The following CASR variants were observed in gnomAD, a reference collection of about 807,000 sequenced individuals.
The protein encoded by CASR is calcium sensing receptor, also known as extracellular calcium-sensing receptor.
Under a neutral mutation model 69.1 loss-of-function variants are expected in CASR, and 23 were observed. The ratio of observed to expected loss-of-function variants is 0.33; its 90% CI spans 0.24 to 0.47. The LOEUF is 0.47. Among genes scored for constraint, CASR ranks in the 20% least tolerant of loss-of-function variants. The probability of loss-of-function intolerance (pLI) is 1.00; values close to 1 mark genes in which losing one functional copy is unlikely to be tolerated. For synonymous variants in CASR, 541 were observed against 544.7 expected (o/e 0.99, Z 0.10); for missense variants, 924 against 1,356.1 (o/e 0.68, Z 5.00).
At chr3:122,222,051 G>C (rs1053193635) in intron 1 of CASR, among the ~76,000 whole-genome samples, 1 of 152,160 alleles carries the variant, frequency 6.6e-6, no homozygotes, top group Non-Finnish European at 1.5e-5. Flanking sequence ...GAGAGAACTG[G>C]CTGACAGCTT....
At chr3:122,232,027 C>CATCA (rs1268084802) in intron 1 of CASR, among the ~76,000 whole-genome samples, 1 of 152,144 alleles carries the variant, frequency 6.6e-6, no homozygotes, top group Non-Finnish European at 1.5e-5. Context: ...GGGATGGGAT[C>CATCA]ATCAGATTCA....
chr3:122,215,935 G>T (rs1322691550), intron 1 of CASR, among the ~76,000 whole-genome samples: 3 of 152,178 alleles, frequency 2.0e-5, no homozygotes, highest in Admixed American at 6.5e-5. Context: ...CTGAGCCAAG[G>T]CTGTTTCTTG....
At chr3:122,250,406 C>T (rs934723926) in intron 1 of CASR, among the ~76,000 whole-genome samples, 3 of 152,140 alleles carry the variant, frequency 2.0e-5, no homozygotes, top group African/African-American at 7.2e-5. Flanking sequence ...TTAATAAACT[C>T]CAAGTAGTTA....
At chr3:122,281,855 T>C (rs1325399917) in intron 5 of CASR, among the ~76,000 whole-genome samples, 1 of 150,838 alleles carries the variant, frequency 6.6e-6, no homozygotes, top group East Asian at 2.0e-4. Flanking sequence ...CCCAAGGGTG[T>C]GTGTCTGTGT....
At chr3:122,282,920 C>T (rs1201816049) in intron 6 of CASR, among the ~76,000 whole-genome samples, 1 of 152,200 alleles carries the variant, frequency 6.6e-6, no homozygotes, top group Non-Finnish European at 1.5e-5. Flanking sequence ...AGTTGTATGG[C>T]CAGGATTCCA....
rs1262174386 is a variant in CASR, at chr3:122,272,484, CCT to C, written c.1378-3325_1378-3324del. Among the ~76,000 whole-genome samples the C allele has an allele frequency of 4.6e-5, 7 of 152,312 alleles. No homozygotes were observed. In the South Asian group the frequency reaches 1.2e-3, roughly 27 times the overall value. ...TCCACTGTTTTTAACACCTTCCCTC[CCT>C]CTGTCCTTTGCCAGCCAAAATATGC... On this transcript the variant is annotated intron_variant, in intron 4 of 6. Transcript: ENST00000639785.
intron 4 of CASR, among the ~76,000 whole-genome samples, chr3:122,275,435 A>G (rs905418030): frequency 6.6e-6 from 1 of 152,240 alleles, no homozygotes; most frequent in Non-Finnish European, 1.5e-5. Flanking sequence ...TGCCCAGCTC[A>G]GAAGATGCCA....
At chr3:122,216,734 A>T (rs2074120819) in intron 1 of CASR, among the ~76,000 whole-genome samples, 1 of 152,220 alleles carries the variant, frequency 6.6e-6, no homozygotes, top group South Asian at 2.1e-4. Context: ...TGTTATTATT[A>T]TTAATACAAG....
chr3:122,207,281 G>A (rs1246726505), intron 1 of CASR, among the ~76,000 whole-genome samples: 4 of 151,880 alleles, frequency 2.6e-5, no homozygotes, highest in Non-Finnish European at 4.4e-5. Context: ...AAAATCAACA[G>A]GAAAACATCA....
intron 1 of CASR, among the ~76,000 whole-genome samples, chr3:122,217,152 C>A (rs1268786822): frequency 6.6e-6 from 1 of 150,980 alleles, no homozygotes; most frequent in Non-Finnish European, 1.5e-5. Context: ...GTCACCCATG[C>A]AGGAGTGCAG....
chr3:122,189,588 G>A (rs1316430995), intron 1 of CASR, among the ~76,000 whole-genome samples: 1 of 152,184 alleles, frequency 6.6e-6, no homozygotes, highest in Non-Finnish European at 1.5e-5. Context: ...TATGATACCT[G>A]CAGAGAGGAA....
chr3:122,231,744 C>A (rs890559526), intron 1 of CASR, among the ~76,000 whole-genome samples: 47 of 119,120 alleles, frequency 3.9e-4, no homozygotes, highest in African/African-American at 1.2e-3. Flanking sequence ...CACCCATTAC[C>A]CCCCTCCCAC....
chr3:122,259,380 A>G (rs893575217), intron 3 of CASR, among the ~76,000 whole-genome samples: 4 of 152,180 alleles, frequency 2.6e-5, no homozygotes, highest in Admixed American at 6.5e-5. Flanking sequence ...TCTCTGAAAA[A>G]CAATAACATC....
intron 1 of CASR, among the ~76,000 whole-genome samples, chr3:122,249,372 C>T (rs1197270379): frequency 1.3e-5 from 2 of 152,232 alleles, no homozygotes; most frequent in African/African-American, 4.8e-5. Flanking sequence ...ACCTTGAGCA[C>T]CTTGAAGGCA....
At chr3:122,231,964 GC>G (rs564104555) in intron 1 of CASR, among the ~76,000 whole-genome samples, 103 of 152,238 alleles carry the variant, frequency 6.8e-4, no homozygotes, top group Middle Eastern at 3.4e-3. Flanking sequence ...CTGTGCACTG[GC>G]CTTTCCAGCA....
At chr3:122,245,344 A>G (rs1220314325) in intron 1 of CASR, 2 of 152,222 alleles carry the variant, frequency 1.3e-5, no homozygotes, top group African/African-American at 4.8e-5. Context: ...TGTATGGAGG[A>G]CCAAGTGTAC....
chr3:122,210,603 A>G (rs12496336), intron 1 of CASR, among the ~76,000 whole-genome samples: 110,062 of 151,910 alleles, frequency 0.72, 40,110 homozygotes, highest in Admixed American at 0.82. Flanking sequence ...AAAAACAAAT[A>G]TAAAAACATT....
At chr3:122,194,378 C>T (rs143301386) in intron 1 of CASR, among the ~76,000 whole-genome samples, 2,890 of 152,172 alleles carry the variant, frequency 0.019, 36 homozygotes, top group South Asian at 0.056. Context: ...CTCTGGGTCC[C>T]CCTTGGAACA....
chr3:122,187,480 C>T (rs904492733), intron 1 of CASR, among the ~76,000 whole-genome samples: 1 of 152,150 alleles, frequency 6.6e-6, no homozygotes, highest in African/African-American at 2.4e-5. Context: ...GACAGAGTCC[C>T]AACATTTAAG....
Sources: gnomAD v4.1 joint callset for allele counts (sites outside exome capture counted in the v4.1 genomes callset) on GRCh38, gnomAD v4.1.1 for gene constraint, MANE v1.5 for transcripts, NCBI Gene and HGNC (gene_info 2026-07-23, HGNC 2026-07-21) for gene names.